Variants in HECW1 observed in about 807,000 individuals in gnomAD.
HECW1 encodes the protein HECT, C2 and WW domain containing E3 ubiquitin protein ligase 1, also known as E3 ubiquitin-protein ligase HECW1.
A neutral mutation model predicts 182.3 loss-of-function variants in HECW1; 61 were observed. That is an observed-to-expected ratio of 0.33 (90% CI 0.27 to 0.41). The LOEUF is 0.41. Ranked by LOEUF, HECW1 falls within the 10% of genes least tolerant of loss-of-function variation. HECW1 has a pLI of 1.00. For synonymous variants in HECW1, 859 were observed against 832.6 expected (o/e 1.03, Z -0.55); for missense variants, 1,739 against 2,108.9 (o/e 0.82, Z 3.44).
intron 3 of HECW1, among the ~76,000 whole-genome samples, chr7:43,283,350 A>G (rs1278588531): frequency 6.6e-6 from 1 of 152,212 alleles, no homozygotes; most frequent in Non-Finnish European, 1.5e-5. Context: ...TTGAAGTCAG[A>G]AGTATGTGTG....
chr7:43,132,524 C>T (rs1319146648), intron 2 of HECW1, among the ~76,000 whole-genome samples: 1 of 151,570 alleles, frequency 6.6e-6, no homozygotes, highest in Non-Finnish European at 1.5e-5. Flanking sequence ...GAGTTTCCTT[C>T]TCTCTCTCTC....
intron 2 of HECW1, among the ~76,000 whole-genome samples, chr7:43,157,824 G>A (rs762634324): frequency 2.0e-5 from 3 of 152,174 alleles, no homozygotes; most frequent in Non-Finnish European, 4.4e-5. Context: ...GCCTCCCAAA[G>A]TGCTGGGACT....
intron 13 of HECW1, among the ~76,000 whole-genome samples, chr7:43,457,521 C>G (rs2077442572): frequency 6.6e-6 from 1 of 152,048 alleles, no homozygotes; most frequent in Non-Finnish European, 1.5e-5. Context: ...GCCTGTAATC[C>G]CAGCACTTTG....
chr7:43,213,737 G>A (rs898055893), intron 2 of HECW1, among the ~76,000 whole-genome samples: 11 of 152,110 alleles, frequency 7.2e-5, no homozygotes, highest in African/African-American at 1.9e-4. Flanking sequence ...GAGCCACTGC[G>A]CCCAGCCAAT....
At chr7:43,237,359 G>C (rs1405141183) in intron 2 of HECW1, among the ~76,000 whole-genome samples, 3 of 152,180 alleles carry the variant, frequency 2.0e-5, no homozygotes, top group Non-Finnish European at 4.4e-5. Flanking sequence ...GTAACATCTT[G>C]TTGTGTGTTC....
At chr7:43,156,714 T>C (rs1234607064) in intron 2 of HECW1, among the ~76,000 whole-genome samples, 1 of 152,218 alleles carries the variant, frequency 6.6e-6, no homozygotes, top group Non-Finnish European at 1.5e-5. Flanking sequence ...CTTCCAGGCA[T>C]GTGGTAGCCC....
chr7:43,533,311 G>A (rs868487979), intron 24 of HECW1, among the ~76,000 whole-genome samples: 1 of 152,136 alleles, frequency 6.6e-6, no homozygotes, highest in South Asian at 2.1e-4. Flanking sequence ...AGCAGTGTCT[G>A]GGAAAGATCC....
intron 3 of HECW1, among the ~76,000 whole-genome samples, chr7:43,264,009 T>C (rs1227376042): frequency 6.6e-6 from 1 of 152,228 alleles, no homozygotes; most frequent in Non-Finnish European, 1.5e-5. Flanking sequence ...GGATGAAATG[T>C]TATGTTTTTA....
chr7:43,357,186 A>T (rs1467283502), intron 5 of HECW1, among the ~76,000 whole-genome samples: 1 of 152,202 alleles, frequency 6.6e-6, no homozygotes, highest in Non-Finnish European at 1.5e-5. Context: ...AAAAATTAAA[A>T]ATAGAACTAC....
rs752558345 is a variant in HECW1 at position 43,445,168 on chromosome 7, G to A, written c.1996G>A (p.Gly666Arg). The change falls in exon 11 of 30, where the codon GGG (glycine) becomes AGG (arginine). Residue 666 changes from glycine to arginine, a missense_variant. This residue lies in a region of HECW1 where 971 missense variants were observed against 1,029.1 expected (regional missense o/e 0.94). Coordinates refer to ENST00000395891, the MANE Select transcript of HECW1 (RefSeq NM_015052.5). ...SESDSSPRQG[G>R]DHSCEGCDAS... Reference sequence around the variant, plus strand: ...GAGCGACTCCAGCCCCAGGCAAGGCGGGGACCACAGTTGCGAGGGCTGTGA... The same window carrying A: ...GAGCGACTCCAGCCCCAGGCAAGGCAGGGACCACAGTTGCGAGGGCTGTGA... 1.2e-6 allele frequency: 2 copies of A among 1,611,370 alleles called. No individual in the cohort carries two copies. The highest frequency in any genetic ancestry group is 2.2e-5 in the East Asian group (1 of 44,802).
chr7:43,378,185 TTCTAA>T (rs924476045), intron 6 of HECW1, among the ~76,000 whole-genome samples: 2 of 152,276 alleles, frequency 1.3e-5, no homozygotes, highest in African/African-American at 4.8e-5. Context: ...AATCTAGTTA[TTCTAA>T]TCTAATCATC....
At chr7:43,282,329 C>G (rs739982) in intron 3 of HECW1, among the ~76,000 whole-genome samples, 61,363 of 152,190 alleles carry the variant, frequency 0.4, 18,242 homozygotes, top group African/African-American at 0.84. Flanking sequence ...CACTCTTTTT[C>G]GCTGACTTCA....
intron 8 of HECW1, among the ~76,000 whole-genome samples, chr7:43,436,135 G>A (rs2076702963): frequency 7.7e-6 from 1 of 130,008 alleles, no homozygotes; most frequent in African/African-American, 3.0e-5. Flanking sequence ...CTGCACTCCA[G>A]CCTGGGCAAG....
chr7:43,434,011 G>A (rs2076630915), intron 8 of HECW1, among the ~76,000 whole-genome samples: 1 of 152,102 alleles, frequency 6.6e-6, no homozygotes, highest in Admixed American at 6.5e-5. Context: ...CAAACCAGCA[G>A]AGGGCTTAGG....
chr7:43,381,798 A>C (rs2074562324), intron 6 of HECW1, among the ~76,000 whole-genome samples: 1 of 152,142 alleles, frequency 6.6e-6, no homozygotes, highest in African/African-American at 2.4e-5. Flanking sequence ...TGCTGGGATT[A>C]TAGGTGTGAG....
chr7:43,554,567 T>TCCTC, intron 28 of HECW1, 25 bp from the exon 29 acceptor site: 1 of 1,598,242 alleles, frequency 6.3e-7, no homozygotes, highest in Non-Finnish European at 8.6e-7. Flanking sequence ...CATCCTGTCT[T>TCCTC]CCTCCCTCCC....
intron 2 of HECW1, among the ~76,000 whole-genome samples, chr7:43,160,684 CT>C (rs1225380982): frequency 6.6e-6 from 1 of 152,056 alleles, no homozygotes. Context: ...ATTTACTATA[CT>C]TTTAATTCAT....
Position 43,165,603 on chromosome 7 carries a change from C to G in HECW1, c.-32+51212C>G, listed in dbSNP as rs577508135. Among the ~76,000 whole-genome samples, 156 of 152,218 alleles carry G rather than the reference C, an allele frequency of 1.0e-3. 1 individual carries two copies. Among genetic ancestry groups the G allele is most frequent in the African/African-American group, 3.6e-3 (149 of 41,526 alleles). ...GTGCATTTGAAAAGGACACAACTCTCCTATGCAGAGTTTTTGGTTTCTGGT... is the reference window on the plus strand; with the variant it reads ...GTGCATTTGAAAAGGACACAACTCTGCTATGCAGAGTTTTTGGTTTCTGGT... On this transcript the variant is annotated intron_variant, in intron 2 of 29. Transcript: ENST00000395891.
chr7:43,348,492 T>A (rs1051407537), intron 5 of HECW1, among the ~76,000 whole-genome samples: 3 of 151,256 alleles, frequency 2.0e-5, no homozygotes, highest in Non-Finnish European at 4.4e-5. Context: ...CTTTTGTAAT[T>A]TTTTTTTTGT....
Sources: gnomAD v4.1 joint callset for allele counts (sites outside exome capture counted in the v4.1 genomes callset) on GRCh38, gnomAD v4.1.1 for gene constraint, gnomAD v4.1.1 regional missense constraint, MANE v1.5 for transcripts, NCBI Gene and HGNC (gene_info 2026-07-23, HGNC 2026-07-21) for gene names.